Variants in CLCA2 observed in about 807,000 individuals in gnomAD.
The protein encoded by CLCA2 is calcium-activated chloride channel regulator 2.
A neutral mutation model predicts 82.9 loss-of-function variants in CLCA2; 85 were observed. The ratio of observed to expected loss-of-function variants is 1.03; its 90% CI spans 0.86 to 1.23. The LOEUF is 1.23. Ranked by LOEUF, CLCA2 falls within the 50% of genes most tolerant of loss-of-function variation. The pLI, the probability that CLCA2 is intolerant of heterozygous loss-of-function variation, is 0.00. For missense variants in CLCA2, 1,089 were observed against 1,124.8 expected (o/e 0.97, Z 0.45); for synonymous variants, 421 against 391.7 (o/e 1.07, Z -0.88).
chr1:86,441,464 T>G lies in CLCA2; in HGVS notation c.1409T>G (p.Ile470Arg). ...TGGLKFFVPD[I>R]SNSNSMIDAF... The stretch of plus-strand genomic sequence containing the variant: ...GGTTTAAAGTTCTTTGTTCCAGATA[T>G]ATCAAACTCCAATAGCATGATTGAT... Residue 470 changes from isoleucine to arginine, a missense_variant, in exon 9 of 14, where the codon ATA becomes AGA. Transcript: ENST00000370565. 6.2e-7 allele frequency: 1 copy of G among 1,608,540 alleles called. No individual in the cohort carries two copies. The highest frequency in any genetic ancestry group is 8.5e-7 in the Non-Finnish European group (1 of 1,175,748).
At position 86,434,846 on chromosome 1, in the gene CLCA2, G is replaced by A. The variant is rs1003067435; in HGVS notation, c.972+101G>A. 6.4e-5 allele frequency: 60 copies of A among 930,806 alleles called. 2 individuals are homozygous for A. Among genetic ancestry groups the A allele is most frequent in the South Asian group, 4.6e-4 (29 of 62,590 alleles). The allele number at this position is 930,806 out of a possible 1,614,324, so 57.7% of individuals were successfully genotyped here. On this transcript the variant is annotated intron_variant, in intron 6 of 13. Transcript: ENST00000370565. ...AAGTTCTGGGGTACATGTGCAGGAC[G>A]TTCAAGTTTGTTACACAGGTAGACA...
intron 13 of CLCA2, 83 bp from the exon 14 acceptor site, chr1:86,455,002 G>A: frequency 1.3e-6 from 1 of 763,470 alleles, no homozygotes; most frequent in Non-Finnish European, 2.0e-6. Context: ...ACTTTTTGTT[G>A]CTGTTCTCAT....
chr1:86,440,372 T>C (rs55812833), intron 8 of CLCA2, 47 bp downstream of exon 8: 89,013 of 1,537,396 alleles, frequency 0.058, 2,916 homozygotes, highest in East Asian at 0.11. Flanking sequence ...TCCCTTTAAC[T>C]TGACTATCCA....
chr1:86,428,621 C>A, intron 3 of CLCA2, 53 bp downstream of exon 3: 2 of 1,572,972 alleles, frequency 1.3e-6, no homozygotes, highest in Non-Finnish European at 1.7e-6. Context: ...TTATAATATT[C>A]TGTGCTTGGT....
At chr1:86,426,518 A>G (rs531485412) in intron 2 of CLCA2, among the ~76,000 whole-genome samples, 1 of 152,320 alleles carries the variant, frequency 6.6e-6, no homozygotes, top group Admixed American at 6.5e-5. Context: ...AAAGCATTTG[A>G]GAATGCTTGC....
chr1:86,437,452 A>G (rs961223332), intron 6 of CLCA2, among the ~76,000 whole-genome samples: 1 of 152,192 alleles, frequency 6.6e-6, no homozygotes, highest in African/African-American at 2.4e-5. Flanking sequence ...TTTCACTGAG[A>G]GAATCAATTT....
chr1:86,430,190 T>G (rs367588214), intron 3 of CLCA2, among the ~76,000 whole-genome samples: 44 of 152,148 alleles, frequency 2.9e-4, no homozygotes, highest in African/African-American at 8.9e-4. Context: ...GAAGGGAATG[T>G]AAGATTTTGA....
rs747776301 is a variant in CLCA2 at position 86,455,215 on chromosome 1, A to G, written c.2520A>G (p.Ser840=). Residue 840 remains serine (S), a synonymous_variant, in exon 14 of 14, where the codon TCA becomes TCG. Transcript: ENST00000370565. The part of the protein sequence containing the change: ...QAGIREIFTF[S]PQISTNGPEH... ...GCATCAGGGAGATATTTACGTTCTC[A>G]CCCCAAATTTCCACGAATGGACCTG... 1.2e-6 allele frequency: 2 copies of G among 1,613,986 alleles called. No individual in the cohort carries two copies. The highest frequency in any genetic ancestry group is 1.7e-6 in the Non-Finnish European group (2 of 1,180,004).
At chr1:86,431,340 CTG>C (rs1246385655) in intron 4 of CLCA2, among the ~76,000 whole-genome samples, 1 of 152,004 alleles carries the variant, frequency 6.6e-6, no homozygotes, top group African/African-American at 2.4e-5. Context: ...TTTCCTCGCT[CTG>C]TGTTTTATAA....
intron 11 of CLCA2, chr1:86,448,185 C>T: frequency 6.0e-6 from 1 of 167,788 alleles, no homozygotes; most frequent in Non-Finnish European, 1.3e-5. Flanking sequence ...AAGGGAGGTG[C>T]AGTGACAGCG....
Position 86,443,028 on chromosome 1 carries a change from TA to T in CLCA2, c.1489-757del, listed in dbSNP as rs563136707. Among the ~76,000 whole-genome samples the T allele has an allele frequency of 3.3e-4, 48 of 144,918 alleles. No homozygotes were observed. The South Asian group carries it at 0.011, about 32-fold the overall frequency. Reference sequence around the variant, plus strand: ...ACGTGGCTTATTGTGAATGGCTAAATAATTTTTTTTTTTTTTTGAGATGGAG... The same window carrying T: ...ACGTGGCTTATTGTGAATGGCTAAATATTTTTTTTTTTTTTTGAGATGGAG... On this transcript the variant is annotated intron_variant, in intron 9 of 13. Coordinates refer to ENST00000370565, the MANE Select transcript of CLCA2 (RefSeq NM_006536.7).
chr1:86,424,982 C>T (rs1662360564), intron 1 of CLCA2, among the ~76,000 whole-genome samples: 1 of 152,056 alleles, frequency 6.6e-6, no homozygotes, highest in Admixed American at 6.5e-5. Flanking sequence ...TAAGAGCCTC[C>T]ATTTAGTATT....
intron 10 of CLCA2, among the ~76,000 whole-genome samples, chr1:86,446,139 G>A (rs1212332642): frequency 6.6e-6 from 1 of 151,412 alleles, no homozygotes; most frequent in Non-Finnish European, 1.5e-5. Flanking sequence ...CAGACCAGCT[G>A]CATTCCTCCT....
rs1663075791 is a variant in CLCA2, at chr1:86,456,274, G to A, written c.*747G>A. 6.6e-6 allele frequency: 1 copy of A among 152,152 alleles called. No homozygotes were observed. Among genetic ancestry groups the A allele is most frequent in the Non-Finnish European group, 1.5e-5 (1 of 68,016 alleles). The allele number at this position is 152,152 out of a possible 1,614,324, so 9.4% of individuals were successfully genotyped here. A position where few individuals can be genotyped will look rare whatever the true frequency, so the allele number is the denominator to read the frequency against. On this transcript the variant is annotated 3_prime_UTR_variant, in exon 14 of 14. Transcript: ENST00000370565. ...ACTAAGGAAGAAAAGATGTTATTCT[G>A]AGTTTGTTTTAATACATATATGAAC...
Position 86,455,344 on chromosome 1 carries a change from G to T in CLCA2, c.2649G>T (p.Gln883His). 6.2e-7 allele frequency: 1 copy of T among 1,612,566 alleles called. No homozygotes were observed. Among genetic ancestry groups the T allele is most frequent in the Non-Finnish European group, 8.5e-7 (1 of 1,179,478 alleles). The change falls in exon 14 of 14, where the codon CAG becomes CAT. Residue 883 changes from glutamine (Q) to histidine (H), a missense_variant. Gln to His is a conservative substitution (Grantham distance 24). Coordinates refer to ENST00000370565, the MANE Select transcript of CLCA2 (RefSeq NM_006536.7). ...AGTCTGCTGTATCTAACATTGCCCAGGCGCCTCTGTTTATTCCCCCCAATT... is the reference window on the plus strand; with the variant it reads ...AGTCTGCTGTATCTAACATTGCCCATGCGCCTCTGTTTATTCCCCCCAATT... Reference protein sequence around the residue: ...SLQSAVSNIAQAPLFIPPNSD... With the variant: ...SLQSAVSNIAHAPLFIPPNSD...
intron 10 of CLCA2, among the ~76,000 whole-genome samples, chr1:86,444,955 G>A (rs1411068825): frequency 6.6e-6 from 1 of 151,988 alleles, no homozygotes; most frequent in African/African-American, 2.4e-5. Context: ...GGAGTGCAGT[G>A]GCACCATCTC....
intron 5 of CLCA2, among the ~76,000 whole-genome samples, chr1:86,434,308 AC>A (rs1296196334): frequency 2.0e-5 from 3 of 152,226 alleles, no homozygotes; most frequent in African/African-American, 7.2e-5. Flanking sequence ...TGCTCTCAGA[AC>A]CACAAAGATG....
Position 86,455,375 on chromosome 1 carries a change from C to A in CLCA2, c.2680C>A (p.Pro894Thr), listed in dbSNP as rs142900280. ...APLFIPPNSD[P>T]VPARDYLILK... ...TCTGTTTATTCCCCCCAATTCTGATCCTGTACCTGCCAGAGATTATCTTAT... is the reference window on the plus strand; with the variant it reads ...TCTGTTTATTCCCCCCAATTCTGATACTGTACCTGCCAGAGATTATCTTAT... The change falls in exon 14 of 14, where the codon CCT becomes ACT. Residue 894 changes from proline to threonine, a missense_variant. Physicochemically the swap from Pro to Thr is conservative, Grantham distance 38 (BLOSUM62 -1). Transcript: ENST00000370565. 5.4e-5 allele frequency: 87 copies of A among 1,610,800 alleles called. No homozygotes were observed. The highest frequency in any genetic ancestry group is 6.5e-5 in the Non-Finnish European group (77 of 1,179,016).
intron 9 of CLCA2, among the ~76,000 whole-genome samples, chr1:86,443,089 C>T (rs918989978): frequency 2.0e-5 from 3 of 151,582 alleles, no homozygotes; most frequent in Non-Finnish European, 1.5e-5. Context: ...TGCAGTGGCG[C>T]GATCTCAGCT....
Sources: allele counts gnomAD v4.1 joint callset (sites outside exome capture counted in the v4.1 genomes callset), GRCh38; gene constraint gnomAD v4.1.1; transcripts MANE v1.5; gene names NCBI Gene and HGNC (gene_info 2026-07-23, HGNC 2026-07-21).